UTRN: variants seen among roughly 807,000 people sequenced by gnomAD.
UTRN encodes the protein dystrophin-related protein 1.
In UTRN, 283 loss-of-function variants were observed where a neutral mutation model predicts 463.9. That is an observed-to-expected ratio of 0.61 (90% confidence interval 0.55 to 0.67). The LOEUF (loss-of-function observed/expected upper bound fraction) is 0.67. Among genes scored for constraint, UTRN ranks in the 30% least tolerant of loss-of-function variants. UTRN has a pLI of 0.00. For missense variants in UTRN, 3,922 were observed against 4,084.3 expected (o/e 0.96, Z 1.08); for synonymous variants, 1,442 against 1,431.5 (o/e 1.01, Z -0.17).
chr6:144,300,368 G>A (rs1211445266), intron 2 of UTRN, among the ~76,000 whole-genome samples: 2 of 152,172 alleles, frequency 1.3e-5, no homozygotes, highest in Admixed American at 6.5e-5. Context: ...GGAAATACAG[G>A]CATGAGCCAT....
At chr6:144,364,316 C>G (rs1779325634) in intron 2 of UTRN, among the ~76,000 whole-genome samples, 1 of 152,190 alleles carries the variant, frequency 6.6e-6, no homozygotes, top group Admixed American at 6.5e-5. Context: ...GAAATTGCCT[C>G]TGATTGGGAC....
chr6:144,748,350 T>C lies in UTRN; in HGVS notation c.8044T>C (p.Trp2682Arg), dbSNP rs1790985888. ...WESLNAVTSN[W>R]QKQVDKALEK... The stretch of plus-strand genomic sequence containing the variant: ...AAGTCTAAATGCTGTAACTAGCAAT[T>C]GGCAAAAGCAAGTGGACAAGGCATT... Residue 2682 changes from tryptophan (W) to arginine (R), a missense_variant, in exon 55 of 75, where the codon TGG (tryptophan) becomes CGG (arginine). Coordinates refer to ENST00000367545, the MANE Select transcript of UTRN (RefSeq NM_007124.3). 18 of 1,613,628 alleles carry C rather than the reference T, an allele frequency of 1.1e-5. No individual in the cohort carries two copies. The highest frequency in any genetic ancestry group is 1.5e-5 in the Non-Finnish European group (18 of 1,179,896).
At chr6:144,596,401 T>C (rs945418417) in intron 51 of UTRN, among the ~76,000 whole-genome samples, 3 of 152,150 alleles carry the variant, frequency 2.0e-5, no homozygotes, top group African/African-American at 7.2e-5. Flanking sequence ...ATGGTGACTT[T>C]GGATATTCTC....
intron 9 of UTRN, 114 bp downstream of exon 9, chr6:144,429,855 C>T: frequency 8.8e-7 from 1 of 1,137,202 alleles, no homozygotes; most frequent in Non-Finnish European, 1.2e-6. Flanking sequence ...CTTGGTTTCT[C>T]AGCTTACATT....
At chr6:144,363,007 AT>A (rs1779208557) in intron 2 of UTRN, among the ~76,000 whole-genome samples, 1 of 152,042 alleles carries the variant, frequency 6.6e-6, no homozygotes, top group African/African-American at 2.4e-5. Context: ...AATATTTTTA[AT>A]TTTTTGGGTA....
At chr6:144,536,861 T>C (rs1168486584) in intron 43 of UTRN, among the ~76,000 whole-genome samples, 1 of 152,084 alleles carries the variant, frequency 6.6e-6, no homozygotes, top group Non-Finnish European at 1.5e-5. Context: ...TATATTCTTA[T>C]AAATGTTATT....
At chr6:144,803,637 A>G (rs1325179704) in intron 65 of UTRN, among the ~76,000 whole-genome samples, 3 of 151,930 alleles carry the variant, frequency 2.0e-5, no homozygotes, top group Non-Finnish European at 4.4e-5. Context: ...TCGACATTCC[A>G]TTTCGTCACA....
intron 51 of UTRN, among the ~76,000 whole-genome samples, chr6:144,616,744 A>G (rs775132856): frequency 2.0e-4 from 31 of 152,000 alleles, no homozygotes; most frequent in Non-Finnish European, 3.8e-4. Context: ...AGTCTCCCCA[A>G]ATCTTATGCC....
chr6:144,304,956 A>G (rs1332268141), intron 2 of UTRN, among the ~76,000 whole-genome samples: 1 of 146,516 alleles, frequency 6.8e-6, no homozygotes, highest in Non-Finnish European at 1.5e-5. Flanking sequence ...TTTGAAATGG[A>G]GTTTCACTCT....
intron 2 of UTRN, among the ~76,000 whole-genome samples, chr6:144,391,756 C>T (rs1781949513): frequency 6.6e-6 from 1 of 152,212 alleles, no homozygotes; most frequent in South Asian, 2.1e-4. Flanking sequence ...ATTCTTCTGC[C>T]TCAGCCTCCC....
At chr6:144,491,202 C>T in intron 32 of UTRN, 100 bp downstream of exon 32, 1 of 1,127,858 alleles carries the variant, frequency 8.9e-7, no homozygotes, top group Non-Finnish European at 1.2e-6. Context: ...GATCACTAGT[C>T]TACAGTGTGC....
intron 54 of UTRN, among the ~76,000 whole-genome samples, chr6:144,732,020 C>A (rs1420567417): frequency 1.3e-5 from 2 of 151,756 alleles, no homozygotes; most frequent in African/African-American, 4.8e-5. Flanking sequence ...CACCACCACG[C>A]CCAGCTAGTT....
At position 144,473,756 on chromosome 6, in the gene UTRN, G is replaced by A. The variant is rs767571124; in HGVS notation, c.3103G>A (p.Val1035Met). 8.1e-6 allele frequency: 13 copies of A among 1,614,070 alleles called. No homozygotes were observed. The highest frequency in any genetic ancestry group is 4.4e-5 in the South Asian group (4 of 91,060). Residue 1035 changes from valine to methionine, a missense_variant, in exon 24 of 75, where the codon GTG becomes ATG. This residue lies in a region of UTRN where 2,349 missense variants were observed against 2,303.8 expected (regional missense o/e 1.02). Transcript: ENST00000367545. ...STVIEKWMDG[V>M]KDFLMKQQAA... ...AGTCATTGAGAAGTGGATGGATGGC[G>A]TGAAAGACTTCTTAATGAAACAGCA...
intron 2 of UTRN, among the ~76,000 whole-genome samples, chr6:144,394,277 AAG>A (rs1782198003): frequency 6.6e-6 from 1 of 152,168 alleles, no homozygotes; most frequent in Non-Finnish European, 1.5e-5. Context: ...TATAAAGAAA[AAG>A]AGGTATAACG....
intron 2 of UTRN, among the ~76,000 whole-genome samples, chr6:144,402,478 T>A (rs1410635010): frequency 6.6e-6 from 1 of 152,176 alleles, no homozygotes; most frequent in Admixed American, 6.5e-5. Context: ...TAACTTTTCT[T>A]TTTTTTATGG....
intron 53 of UTRN, among the ~76,000 whole-genome samples, chr6:144,720,034 C>T (rs937241216): frequency 1.3e-5 from 2 of 152,192 alleles, no homozygotes; most frequent in African/African-American, 2.4e-5. Flanking sequence ...TCCATATGAC[C>T]AACTGCTAGT....
chr6:144,557,025 G>GC, intron 49 of UTRN, 132 bp from the exon 50 acceptor site: 1 of 1,132,276 alleles, frequency 8.8e-7, no homozygotes, highest in Non-Finnish European at 1.2e-6. Flanking sequence ...AAAAGGGTTT[G>GC]CCCCCAGTCT....
chr6:144,670,304 T>G (rs1585901784), intron 51 of UTRN, among the ~76,000 whole-genome samples: 1 of 152,194 alleles, frequency 6.6e-6, no homozygotes, highest in Non-Finnish European at 1.5e-5. Flanking sequence ...TTTTTATTTT[T>G]TAATTATGGC....
chr6:144,824,429 C>CAATGTATATATAT (rs1562954193), intron 66 of UTRN, among the ~76,000 whole-genome samples: 4 of 44,682 alleles, frequency 9.0e-5, no homozygotes, highest in East Asian at 0.014. Flanking sequence ...TACACACACA[C>CAATGTATATATAT]ACATTGTATA....
Sources: gnomAD v4.1 joint callset for allele counts (sites outside exome capture counted in the v4.1 genomes callset) on GRCh38, gnomAD v4.1.1 for gene constraint, gnomAD v4.1.1 regional missense constraint, MANE v1.5 for transcripts, NCBI Gene and HGNC (gene_info 2026-07-23, HGNC 2026-07-21) for gene names.